The following NBAS variants were observed in gnomAD, a reference collection of about 807,000 sequenced individuals.
The protein encoded by NBAS is NAG/BC035112 fusion.
NBAS carries 219 observed loss-of-function variants against 302.5 expected under a neutral mutation model. The ratio of observed to expected loss-of-function variants is 0.72; its 90% confidence interval spans 0.65 to 0.81. The LOEUF (loss-of-function observed/expected upper bound fraction) is 0.81, where lower values mean the gene tolerates loss of function less well. Ranked by LOEUF, NBAS falls within the 30% of genes least tolerant of loss-of-function variation. The probability of loss-of-function intolerance (pLI) is 0.00; values close to 1 mark genes in which losing one functional copy is unlikely to be tolerated. For missense variants in NBAS, 2,932 were observed against 2,841.6 expected, an observed-to-expected ratio of 1.03 and a Z score of -0.72; for synonymous variants, 1,118 against 1,021.6, an observed-to-expected ratio of 1.09 and a Z score of -1.80.
At chr2:14,814,389 C>T in the NBAS span, among the ~76,000 whole-genome samples, 1 of 152,188 alleles carries the variant, frequency 6.6e-6, no homozygotes, top group African/African-American at 2.4e-5. Context: ...TCCACAGGGG[C>T]AAAGCTACCC....
chr2:15,020,987 T>A, the NBAS span, among the ~76,000 whole-genome samples: 4 of 152,202 alleles, frequency 2.6e-5, no homozygotes, highest in African/African-American at 9.6e-5. Context: ...ATCCCAGCAC[T>A]TTGGTAGGCC....
the NBAS span, among the ~76,000 whole-genome samples, chr2:15,134,877 C>A: frequency 3.9e-5 from 6 of 152,170 alleles, no homozygotes; most frequent in African/African-American, 1.4e-4. Context: ...TATGTATGAT[C>A]CCCTCTAATG....
chr2:15,430,093 G>T (rs1235016633), intron 21 of NBAS, among the ~76,000 whole-genome samples: 3 of 151,938 alleles, frequency 2.0e-5, no homozygotes, highest in Non-Finnish European at 4.4e-5. Flanking sequence ...TTTTCTAAAA[G>T]AATTTTAGAA....
the NBAS span, among the ~76,000 whole-genome samples, chr2:15,101,344 A>ATAATACAAATAATATCCT: frequency 1.3e-5 from 2 of 152,096 alleles, no homozygotes. Context: ...ACAATTTAGG[A>ATAATACAAATAATATCCT]TATTATCTAT....
chr2:15,232,025 A>G (rs1667402637), intron 47 of NBAS, among the ~76,000 whole-genome samples: 1 of 152,196 alleles, frequency 6.6e-6, no homozygotes, highest in Non-Finnish European at 1.5e-5. Context: ...ACTTTAATTT[A>G]TACAAAGTTT....
At chr2:15,130,761 G>A in the NBAS span, among the ~76,000 whole-genome samples, 112 of 152,316 alleles carry the variant, frequency 7.4e-4, 1 homozygote, top group Admixed American at 1.7e-3. Context: ...TCTCCGCTAA[G>A]CCATTCCCTT....
intron 50 of NBAS, among the ~76,000 whole-genome samples, chr2:15,183,886 C>T (rs983171526): frequency 6.6e-6 from 1 of 152,194 alleles, no homozygotes; most frequent in Non-Finnish European, 1.5e-5. Context: ...TTAGCAATCA[C>T]TGACCAGATG....
rs113723875 is a variant in NBAS at position 15,358,069 on chromosome 2, C to T, written c.3818-1653G>A. 4.8e-3 allele frequency among the ~76,000 whole-genome samples: 730 copies of T among 152,154 alleles called. 10 individuals carry two copies. Among genetic ancestry groups the T allele is most frequent in the African/African-American group, 0.016 (674 of 41,522 alleles). On this transcript the variant is annotated intron_variant, in intron 32 of 51. Coordinates refer to ENST00000281513, the MANE Select transcript of NBAS (RefSeq NM_015909.4). ...GGAACAAAGGCTGGAAATGGATCTG[C>T]GGCCTGTTGCTACCAGCCAGACCAC...
chr2:15,424,646 T>C (rs948542026), intron 22 of NBAS, among the ~76,000 whole-genome samples, 178 bp from the exon 23 acceptor site: 5 of 152,216 alleles, frequency 3.3e-5, no homozygotes, highest in Non-Finnish European at 7.3e-5. Flanking sequence ...TGAGACTTTT[T>C]TGGATGCGTA....
At chr2:15,093,987 T>C in the NBAS span, among the ~76,000 whole-genome samples, 1 of 152,230 alleles carries the variant, frequency 6.6e-6, no homozygotes, top group Non-Finnish European at 1.5e-5. Context: ...AAAGTAAGCC[T>C]AGTTTCTTGT....
chr2:15,176,652 T>C (rs1038744001), intron 51 of NBAS, among the ~76,000 whole-genome samples: 1 of 152,254 alleles, frequency 6.6e-6, no homozygotes, highest in Admixed American at 6.5e-5. Context: ...TACTTACTTG[T>C]TGAGTATTCC....
At chr2:15,125,928 T>C in the NBAS span, among the ~76,000 whole-genome samples, 5 of 152,132 alleles carry the variant, frequency 3.3e-5, no homozygotes, top group Non-Finnish European at 7.4e-5. Flanking sequence ...GAAGGGATGA[T>C]TGTATTTTGC....
chr2:15,339,155 T>G (rs1004227759), intron 35 of NBAS, among the ~76,000 whole-genome samples: 1 of 151,844 alleles, frequency 6.6e-6, no homozygotes, highest in African/African-American at 2.4e-5. Context: ...TAAGGTATAT[T>G]TTTTTTTCCA....
intron 44 of NBAS, among the ~76,000 whole-genome samples, chr2:15,245,297 C>T (rs370435603): frequency 1.3e-5 from 2 of 152,218 alleles, no homozygotes; most frequent in East Asian, 1.9e-4. Context: ...TCAACCACCC[C>T]GGCACCCTTG....
chr2:15,416,805 GA>G (rs1428577461), intron 24 of NBAS, among the ~76,000 whole-genome samples: 1 of 114,142 alleles, frequency 8.8e-6, no homozygotes, highest in Non-Finnish European at 1.7e-5. Flanking sequence ...GACTCCATCT[GA>G]AAAAAAGAAA....
chr2:15,456,154 C>T (rs1456680512), intron 21 of NBAS, among the ~76,000 whole-genome samples: 1 of 152,182 alleles, frequency 6.6e-6, no homozygotes, highest in African/African-American at 2.4e-5. Context: ...AAAACTTGGT[C>T]ACATTTCATC....
intron 44 of NBAS, among the ~76,000 whole-genome samples, chr2:15,250,777 T>A (rs1486975713): frequency 6.6e-6 from 1 of 152,110 alleles, no homozygotes; most frequent in Non-Finnish European, 1.5e-5. Context: ...TCATGCCGGT[T>A]AGAATGGCAA....
chr2:15,162,378 T>A (rs1558400102), downstream of NBAS, among the ~76,000 whole-genome samples: 1 of 152,232 alleles, frequency 6.6e-6, no homozygotes, highest in Non-Finnish European at 1.5e-5. Context: ...CCTCATCACC[T>A]GACCATTGCT....
intron 31 of NBAS, among the ~76,000 whole-genome samples, chr2:15,369,419 G>A (rs770167503): frequency 6.6e-6 from 1 of 152,130 alleles, no homozygotes; most frequent in Non-Finnish European, 1.5e-5. Flanking sequence ...TGCCCTAAGC[G>A]ATGCACACTA....
Sources: gnomAD v4.1 joint callset for allele counts (sites outside exome capture counted in the v4.1 genomes callset) on GRCh38, gnomAD v4.1.1 for gene constraint, MANE v1.5 for transcripts, NCBI Gene and HGNC (gene_info 2026-07-23, HGNC 2026-07-21) for gene names.